RELN: variants seen among roughly 807,000 people sequenced by gnomAD.
The protein encoded by RELN is reelin.
A neutral mutation model predicts 427.6 loss-of-function variants in RELN; 108 were observed. That is an observed-to-expected ratio of 0.25 (90% CI 0.22 to 0.30). The LOEUF (loss-of-function observed/expected upper bound fraction) is 0.30, where lower values mean the gene tolerates loss of function less well. RELN is among the 10% of genes least tolerant of loss of function. The pLI is 1.00. For missense variants in RELN, 3,715 were observed against 4,302.8 expected, an observed-to-expected ratio of 0.86 and a Z score of 3.82; for synonymous variants, 1,524 against 1,513.4, an observed-to-expected ratio of 1.01 and a Z score of -0.16.
intron 11 of RELN, 29 bp downstream of exon 11, chr7:103,682,087 A>G (rs1477465188): frequency 6.2e-7 from 1 of 1,607,448 alleles, no homozygotes; most frequent in South Asian, 1.1e-5. Context: ...AGTGCTACAT[A>G]CACAGCATGG....
intron 20 of RELN, among the ~76,000 whole-genome samples, chr7:103,625,231 A>G (rs561616395): frequency 3.5e-4 from 53 of 152,340 alleles, no homozygotes; most frequent in African/African-American, 1.3e-3. Context: ...CTATGATAAC[A>G]TATTCAGTGT....
At chr7:103,691,508 T>G (rs188784458) in intron 10 of RELN, among the ~76,000 whole-genome samples, 1 of 152,268 alleles carries the variant, frequency 6.6e-6, no homozygotes, top group African/African-American at 2.4e-5. Context: ...TTATTGACAG[T>G]AGCATTAAAA....
In RELN at chr7:103,953,631, G is replaced by T. The variant is rs528173009; in HGVS notation, c.226+35500C>A. On this transcript the variant is annotated intron_variant, in intron 1 of 64. Transcript: ENST00000428762. This position sits in a 1 kb window ranked among gnomAD's most constrained non-coding sequence, Gnocchi z 4.3. ...TAAAATTGTTTCAGTAAAAATAAAT[G>T]ATCAAAACTTACCAGCCTCCACTGG... is the stretch of plus-strand genomic sequence containing the variant. Among the ~76,000 whole-genome samples, 1 of 152,256 alleles carries T rather than the reference G, an allele frequency of 6.6e-6. No individual in the cohort carries two copies. Among genetic ancestry groups the T allele is most frequent in the South Asian group, 2.1e-4 (1 of 4,826 alleles).
chr7:103,852,521 C>T (rs1229725638), intron 2 of RELN, among the ~76,000 whole-genome samples: 1 of 152,108 alleles, frequency 6.6e-6, no homozygotes, highest in African/African-American at 2.4e-5. Flanking sequence ...AAGTGTCTAG[C>T]ACATAGAAAG....
At chr7:103,515,141 T>A in intron 50 of RELN, 44 bp downstream of exon 50, 1 of 1,613,672 alleles carries the variant, frequency 6.2e-7, no homozygotes, top group South Asian at 1.1e-5. Context: ...TCCAAACCAC[T>A]GCATTTCCAC....
chr7:103,561,973 A>AC lies in RELN; in HGVS notation c.5211-21_5211-20insG, dbSNP rs1830654324. 6.2e-7 allele frequency: 1 copy of AC among 1,604,772 alleles called. No individual in the cohort carries two copies. Among genetic ancestry groups the AC allele is most frequent in the African/African-American group, 1.3e-5 (1 of 74,406 alleles). ...GGAGAACTAACCAAAAAAAAAAAAA[A>AC]AAAAACACACCACTGGTTTGACAAG... On this transcript the variant is annotated intron_variant, in intron 34 of 64. Coordinates refer to ENST00000428762, the MANE Select transcript of RELN (RefSeq NM_005045.4).
chr7:103,599,794 G>A (rs1273574415), intron 24 of RELN, among the ~76,000 whole-genome samples: 2 of 152,164 alleles, frequency 1.3e-5, no homozygotes, highest in African/African-American at 4.8e-5. Flanking sequence ...AAGGGCTCAT[G>A]CCTAGAAAAT....
chr7:103,870,338 G>A (rs1283304804), intron 2 of RELN, among the ~76,000 whole-genome samples: 1 of 151,794 alleles, frequency 6.6e-6, no homozygotes, highest in African/African-American at 2.4e-5. Context: ...TAGAGAATCT[G>A]GTTTCGGTTT....
At chr7:103,639,373 C>CATGCA (rs1562935075) in intron 17 of RELN, among the ~76,000 whole-genome samples, 1 of 151,418 alleles carries the variant, frequency 6.6e-6, no homozygotes, top group Non-Finnish European at 1.5e-5. Context: ...TTGGCTCATA[C>CATGCA]ATGCAATTTC....
intron 6 of RELN, among the ~76,000 whole-genome samples, chr7:103,738,944 G>C (rs967821329): frequency 6.6e-6 from 1 of 152,034 alleles, no homozygotes; most frequent in Non-Finnish European, 1.5e-5. Context: ...GCCTCCTAAA[G>C]TGTTCAGATT....
chr7:103,745,744 C>T (rs370455634), intron 6 of RELN, among the ~76,000 whole-genome samples: 2 of 150,470 alleles, frequency 1.3e-5, no homozygotes, highest in Admixed American at 6.6e-5. Context: ...GAACTACAAA[C>T]CACTGCTCAA....
At chr7:103,637,728 G>C (rs921315691) in intron 17 of RELN, among the ~76,000 whole-genome samples, 2 of 152,178 alleles carry the variant, frequency 1.3e-5, no homozygotes, top group African/African-American at 4.8e-5. Flanking sequence ...ACTGAACTTA[G>C]ACTGAATAGC....
chr7:103,775,496 G>T (rs141648036), intron 4 of RELN, among the ~76,000 whole-genome samples: 170 of 152,192 alleles, frequency 1.1e-3, no homozygotes, highest in African/African-American at 3.9e-3. Flanking sequence ...CTCAAAAACC[G>T]ATATAATTTT....
intron 2 of RELN, among the ~76,000 whole-genome samples, chr7:103,883,743 T>C (rs1794661069): frequency 6.6e-6 from 1 of 152,162 alleles, no homozygotes; most frequent in Non-Finnish European, 1.5e-5. Flanking sequence ...GAAGGACCTT[T>C]TCAAGGAGAA....
chr7:103,508,433 C>G (rs1280133522), intron 51 of RELN, among the ~76,000 whole-genome samples: 1 of 152,152 alleles, frequency 6.6e-6, no homozygotes, highest in Non-Finnish European at 1.5e-5. Context: ...GCAGAAAAGG[C>G]CTTCGCCAAT....
At position 103,926,627 on chromosome 7, in the gene RELN, G is replaced by GTTTTTTTT. The variant is rs60259062; in HGVS notation, c.227-9450_227-9443dup. On this transcript the variant is annotated intron_variant, in intron 1 of 64. Transcript: ENST00000428762. The stretch of plus-strand genomic sequence containing the variant: ...CGAACGCAGCTCTAAAGTATCATAA[G>GTTTTTTTT]TTTTTTTTTTTTTTTTTTTTTTTTT... Among the ~76,000 whole-genome samples, 76 of 99,476 alleles carry GTTTTTTTT rather than the reference G, an allele frequency of 7.6e-4. 3 individuals are homozygous for GTTTTTTTT. The highest frequency in any genetic ancestry group is 9.2e-4 in the African/African-American group (26 of 28,176). 65.3% of individuals were successfully genotyped at this position (99,476 alleles called of 152,430 possible). A position where few individuals can be genotyped will look rare whatever the true frequency, so the allele number is the denominator to read the frequency against.
intron 10 of RELN, among the ~76,000 whole-genome samples, chr7:103,688,986 A>G (rs1330463249): frequency 1.3e-5 from 2 of 152,156 alleles, no homozygotes; most frequent in African/African-American, 4.8e-5. Flanking sequence ...TCAAAGTAGT[A>G]GTAGAGGAAA....
intron 3 of RELN, among the ~76,000 whole-genome samples, chr7:103,815,950 G>A (rs1202746179): frequency 1.3e-5 from 2 of 152,112 alleles, no homozygotes; most frequent in African/African-American, 4.8e-5. Context: ...GTTCAATCAT[G>A]TACAATATCT....
intron 1 of RELN, among the ~76,000 whole-genome samples, chr7:103,975,518 T>TTTAC (rs1554451151): frequency 3.5e-5 from 5 of 143,212 alleles, no homozygotes; most frequent in Non-Finnish European, 7.6e-5. Flanking sequence ...TGGAGCAGTA[T>TTTAC]TTATTTATTT....
Sources: gnomAD v4.1 joint callset for allele counts (sites outside exome capture counted in the v4.1 genomes callset) on GRCh38, gnomAD v4.1.1 for gene constraint, Gnocchi (gnomAD v3.1) non-coding constraint, MANE v1.5 for transcripts, NCBI Gene and HGNC (gene_info 2026-07-23, HGNC 2026-07-21) for gene names.